Variants in TNXB observed in about 807,000 individuals in gnomAD.
The protein encoded by TNXB is tenascin XB, also known as tenascin-X.
A neutral mutation model predicts 340.5 loss-of-function variants in TNXB; 183 were observed. The ratio of observed to expected loss-of-function variants is 0.54; its 90% CI spans 0.48 to 0.61. TNXB has a LOEUF of 0.61. TNXB is among the 20% of genes least tolerant of loss of function. TNXB has a pLI of 0.00. For synonymous variants in TNXB, 2,121 were observed against 2,314.5 expected, an observed-to-expected ratio of 0.92 and a Z score of 2.40; for missense variants, 4,613 against 5,446.4, an observed-to-expected ratio of 0.85 and a Z score of 4.82.
In TNXB at chr6:32,096,040, A is replaced by C; in HGVS notation, c.1813T>G (p.Cys605Gly). Residue 605 changes from cysteine to glycine, a missense_variant, in exon 3 of 44, where the codon TGC becomes GGC. By Grantham distance (159) the Cys-to-Gly change is radical. Around this residue, in one of 7 missense-constraint regions of TNXB, gnomAD observed 4,327 missense variants for 4,859.4 expected, o/e 0.89. Coordinates refer to ENST00000644971, the MANE Select transcript of TNXB (RefSeq NM_001365276.2). ...CTCACGTAGCCTTCCCAACAGATGC[A>C]CACACCGTCCTGGCACACGCCGTGC... is the stretch of plus-strand genomic sequence containing the variant. ...SQHGVCQDGVCICWEGYVSED... is the reference protein window; with the variant it reads ...SQHGVCQDGVGICWEGYVSED... The C allele has an allele frequency of 6.2e-7, 1 of 1,613,148 alleles. No homozygotes were observed. Among genetic ancestry groups the C allele is most frequent in the Non-Finnish European group, 8.5e-7 (1 of 1,179,768 alleles).
Position 32,097,335 on chromosome 6 carries a change from G to T in TNXB, c.518C>A (p.Ala173Asp). 2 of 1,613,486 alleles carry T rather than the reference G, an allele frequency of 1.2e-6. No homozygotes were observed. Among genetic ancestry groups the T allele is most frequent in the Non-Finnish European group, 1.7e-6 (2 of 1,179,882 alleles). Residue 173 changes from alanine (A) to aspartate (D), a missense_variant, in exon 3 of 44, where the codon GCT becomes GAT. Physicochemically the swap from Ala to Asp is moderately radical, Grantham distance 126. Coordinates refer to ENST00000644971, the MANE Select transcript of TNXB (RefSeq NM_001365276.2). The surrounding 1 kb of genome is among the most constrained non-coding windows in gnomAD (Gnocchi z 5.9). ...GGPTCSDPTD[A>D]EIPPSSPPSA... ...GGGTGGGGAAGAGGGAGGGATCTCA[G>T]CATCTGTGGGGTCTGAGCAGGTGGG...
chr6:32,061,457 G>C lies in TNXB; in HGVS notation c.7432C>G (p.His2478Asp), dbSNP rs1404935942. 6.8e-6 allele frequency: 11 copies of C among 1,613,320 alleles called. No individual in the cohort carries two copies. The highest frequency in any genetic ancestry group is 1.1e-5 in the South Asian group (1 of 91,078). The part of the protein sequence containing the change: ...GLEPGRKYKM[H>D]LYGLHEGRRV... ...CGCCCCTCGTGGAGGCCATACAGGT[G>C]CATCTTGTATTTGCGCCCAGGCTCC... The change falls in exon 21 of 44, where the codon CAC becomes GAC. Residue 2478 changes from histidine (H) to aspartate (D), a missense_variant. This residue lies in a region of TNXB where 4,327 missense variants were observed against 4,859.4 expected (regional missense o/e 0.89). Coordinates refer to ENST00000644971, the MANE Select transcript of TNXB (RefSeq NM_001365276.2). The surrounding 1 kb of genome is among the most constrained non-coding windows in gnomAD (Gnocchi z 4.4).
chr6:32,059,864 A>G (rs1238853969), intron 21 of TNXB, among the ~76,000 whole-genome samples: 1 of 151,946 alleles, frequency 6.6e-6, no homozygotes, highest in African/African-American at 2.4e-5. Context: ...AGCAGGGCTG[A>G]TTCTTCCCCA....
In TNXB at chr6:32,085,798, G is replaced by T; in HGVS notation, c.3100C>A (p.Pro1034Thr). 1.3e-6 allele frequency: 2 copies of T among 1,587,582 alleles called. No homozygotes were observed. Among genetic ancestry groups the T allele is most frequent in the Non-Finnish European group, 8.6e-7 (1 of 1,166,416 alleles). The change falls in exon 7 of 44, where the codon CCT becomes ACT. Residue 1034 changes from proline to threonine, a missense_variant. Pro to Thr is a conservative substitution (Grantham distance 38). Around this residue, in one of 7 missense-constraint regions of TNXB, gnomAD observed 4,327 missense variants for 4,859.4 expected, o/e 0.89. Transcript: ENST00000644971. This position sits in a 1 kb window ranked among gnomAD's most constrained non-coding sequence, Gnocchi z 6.4. ...GGGTCAGAGGGCTTGCCCCCAGGAG[G>T]GACCCCATGAAGTGACAGCTCATAC... ...TPYELSLHGV[P>T]PGGKPSDPII...
rs755622026 is a variant in TNXB, at chr6:32,056,611, G to A, written c.8118C>T (p.Gly2706=). Residue 2706 remains glycine, a synonymous_variant, in exon 23 of 44, where the codon GGC becomes GGT. Coordinates refer to ENST00000644971, the MANE Select transcript of TNXB (RefSeq NM_001365276.2). ...LYGFHGGQRV[G]PISVIGVTAA... ...CCGTCACCCCAATGACAGAGATGGG[G>A]CCCACGCGCTGGCCACCGTGGAAGC... is the stretch of plus-strand genomic sequence containing the variant. The A allele has an allele frequency of 1.5e-5, 25 of 1,613,068 alleles. No individual in the cohort carries two copies. In the South Asian group the frequency reaches 2.1e-4, roughly 13 times the overall value.
Position 32,042,846 on chromosome 6 carries a change from AG to A in TNXB, c.11926-16del, listed in dbSNP as rs1315376953. 2.1e-5 allele frequency: 10 copies of A among 484,332 alleles called. No individual in the cohort carries two copies. The highest frequency in any genetic ancestry group is 1.0e-5 in the Non-Finnish European group (3 of 286,024). 30.0% of individuals were successfully genotyped at this position (484,332 alleles called of 1,614,324 possible). ...AGCAGGATCTCCTGTGGGACAGACA[AG>A]GGGGGGTCAGGGGAGAGGGAGGTGG... is the stretch of plus-strand genomic sequence containing the variant. On this transcript the variant is annotated splice_polypyrimidine_tract_variant and intron_variant, in intron 38 of 43. Transcript: ENST00000644971.
Position 32,082,119 on chromosome 6 carries a change from T to C in TNXB, c.3653A>G (p.Asp1218Gly). 1 of 1,611,344 alleles carries C rather than the reference T, an allele frequency of 6.2e-7. No homozygotes were observed. The highest frequency in any genetic ancestry group is 1.3e-5 in the African/African-American group (1 of 74,930). The stretch of plus-strand genomic sequence containing the variant: ...AGTGAATCTGTACTTGTGGTCAGGG[T>C]CCAGTGAGGAGACAACAAATGAACG... The part of the protein sequence containing the change: ...PERSFVVSSL[D>G]PDHKYRFTLF... The change falls in exon 9 of 44, where the codon GAC becomes GGC. Residue 1218 changes from aspartate to glycine, a missense_variant. Around this residue, in one of 7 missense-constraint regions of TNXB, gnomAD observed 4,327 missense variants for 4,859.4 expected, o/e 0.89. Transcript: ENST00000644971. The surrounding 1 kb of genome is among the most constrained non-coding windows in gnomAD (Gnocchi z 5.0).
At position 32,061,775 on chromosome 6, in the gene TNXB, T is replaced by A; in HGVS notation, c.7169-55A>T. The A allele has an allele frequency of 6.3e-7, 1 of 1,581,760 alleles. No homozygotes were observed. The stretch of plus-strand genomic sequence containing the variant: ...AGGGTCCCTGGGGGATGTGCTTACG[T>A]CGTGGGGAAAAGGAGGGAGAAGGCT... On this transcript the variant is annotated intron_variant, in intron 20 of 43. Coordinates refer to ENST00000644971, the MANE Select transcript of TNXB (RefSeq NM_001365276.2). This position sits in a 1 kb window ranked among gnomAD's most constrained non-coding sequence, Gnocchi z 4.4.
In TNXB at chr6:32,081,919, G is replaced by C; in HGVS notation, c.3736+117C>G. ...TGGCTGCCCCTCAGCCCTGGAGTGG[G>C]GCCGGGAAGCTGGAGTCAGCTGTCT... On this transcript the variant is annotated intron_variant, in intron 9 of 43. Coordinates refer to ENST00000644971, the MANE Select transcript of TNXB (RefSeq NM_001365276.2). The surrounding 1 kb of genome is among the most constrained non-coding windows in gnomAD (Gnocchi z 5.1). The C allele has an allele frequency of 9.4e-7, 1 of 1,061,776 alleles. No individual in the cohort carries two copies. The highest frequency in any genetic ancestry group is 1.4e-6 in the Non-Finnish European group (1 of 736,724). 65.8% of individuals were successfully genotyped at this position (1,061,776 alleles called of 1,614,324 possible).
rs1279857689 is a variant in TNXB, at chr6:32,095,974, C to T, written c.1879G>A (p.Gly627Arg). 1.9e-6 allele frequency: 3 copies of T among 1,613,018 alleles called. No homozygotes were observed. ...SIRTCPSNCH[G>R]RGRCEEGRCL... ...CGCCCTTCCTCACAGCGGCCCCTCC[C>T]GTGGCAGTTGGAGGGGCAGGTGCGG... is the stretch of plus-strand genomic sequence containing the variant. Residue 627 changes from glycine (G) to arginine (R), a missense_variant, in exon 3 of 44, where the codon GGG becomes AGG. Physicochemically the swap from Gly to Arg is moderately radical, Grantham distance 125 (BLOSUM62 -2). Transcript: ENST00000644971.
rs9368704 is a variant in TNXB at position 32,073,596 on chromosome 6, G to A, written c.4681+51C>T. 14,459 of 1,524,506 alleles carry A rather than the reference G, an allele frequency of 9.5e-3. 923 individuals are homozygous for A. The East Asian group carries it at 0.18, about 19-fold the overall frequency. The allele number at this position is 1,524,506 out of a possible 1,614,324, so 94.4% of individuals were successfully genotyped here. ...AGGGCTGGAAGAAGGGCCATGGGGTGGGGGAGCTCTGGGTAACCAGAGATG... is the reference window on the plus strand; with the variant it reads ...AGGGCTGGAAGAAGGGCCATGGGGTAGGGGAGCTCTGGGTAACCAGAGATG... On this transcript the variant is annotated intron_variant, in intron 12 of 43. Coordinates refer to ENST00000644971, the MANE Select transcript of TNXB (RefSeq NM_001365276.2). This position sits in a 1 kb window ranked among gnomAD's most constrained non-coding sequence, Gnocchi z 4.6.
chr6:32,042,199 C>A (rs766802373), intron 41 of TNXB, 26 bp from the exon 42 acceptor site: 50 of 768,914 alleles, frequency 6.5e-5, no homozygotes, highest in East Asian at 3.6e-4. Flanking sequence ...GTGCCCTCAT[C>A]AGGGTCCTGG....
rs1777794464 is a variant in TNXB, at chr6:32,058,233, G to C, written c.7650C>G (p.Asp2550Glu). ...TGTCCTTGTACTGCACGGTGAAGGA[G>C]TCAAAGCGGCCCTGGGGGACGGTCC... is the stretch of plus-strand genomic sequence containing the variant. Reference protein sequence around the residue: ...LSWTVPQGRFDSFTVQYKDRD... With the variant: ...LSWTVPQGRFESFTVQYKDRD... Residue 2550 changes from aspartate to glutamate, a missense_variant, in exon 22 of 44, where the codon GAC (aspartate) becomes GAG (glutamate). Asp to Glu is a conservative substitution (Grantham distance 45). Transcript: ENST00000644971. The surrounding 1 kb of genome is among the most constrained non-coding windows in gnomAD (Gnocchi z 5.1). 19 of 1,612,524 alleles carry C rather than the reference G, an allele frequency of 1.2e-5. No homozygotes were observed. The highest frequency in any genetic ancestry group is 1.4e-5 in the Non-Finnish European group (17 of 1,179,868).
In TNXB at chr6:32,055,909, G is replaced by T; in HGVS notation, c.8409C>A (p.His2803Gln). 5.0e-6 allele frequency: 8 copies of T among 1,613,536 alleles called. No homozygotes were observed. Among genetic ancestry groups the T allele is most frequent in the African/African-American group, 1.3e-5 (1 of 75,066 alleles). ...GLEPGRKYKM[H>Q]LYGLHEGRRV... Reference sequence around the variant, plus strand: ...GCCGCCCCTCGTGGAGGCCGTACAGGTGCATCTTGTATTTGCGCCCGGGCT... The same window carrying T: ...GCCGCCCCTCGTGGAGGCCGTACAGTTGCATCTTGTATTTGCGCCCGGGCT... Residue 2803 changes from histidine to glutamine, a missense_variant, in exon 24 of 44, where the codon CAC becomes CAA. Coordinates refer to ENST00000644971, the MANE Select transcript of TNXB (RefSeq NM_001365276.2).
At position 32,096,034 on chromosome 6, in the gene TNXB, A is replaced by G. The variant is rs1390372607; in HGVS notation, c.1819T>C (p.Cys607Arg). The change falls in exon 3 of 44, where the codon TGT (cysteine) becomes CGT (arginine). Residue 607 changes from cysteine to arginine, a missense_variant. Transcript: ENST00000644971. ...HGVCQDGVCI[C>R]WEGYVSEDCS... is the part of the protein sequence containing the mutation. Reference sequence around the variant, plus strand: ...TCCTCACTCACGTAGCCTTCCCAACAGATGCACACACCGTCCTGGCACACG... The same window carrying G: ...TCCTCACTCACGTAGCCTTCCCAACGGATGCACACACCGTCCTGGCACACG... 6.2e-7 allele frequency: 1 copy of G among 1,613,178 alleles called. No homozygotes were observed. Among genetic ancestry groups the G allele is most frequent in the South Asian group, 1.1e-5 (1 of 91,078 alleles).
At position 32,067,103 on chromosome 6, in the gene TNXB, AAGAAAGAAAG is replaced by A; in HGVS notation, c.6544+548_6544+557del. On this transcript the variant is annotated intron_variant, in intron 18 of 43. Transcript: ENST00000644971. The surrounding 1 kb of genome is among the most constrained non-coding windows in gnomAD (Gnocchi z 4.2). ...AAGAAAGAAAGAAAAGAATGAAAGA[AAGAAAGAAAG>A]AGAAAGAAAGAAAGGAAGGAAGAAA... Among the ~76,000 whole-genome samples the A allele has an allele frequency of 6.8e-6, 1 of 147,426 alleles. No homozygotes were observed. The highest frequency in any genetic ancestry group is 2.2e-4 in the South Asian group (1 of 4,630).
chr6:32,106,159 G>T (rs1780969482), intron 1 of TNXB, among the ~76,000 whole-genome samples: 1 of 151,508 alleles, frequency 6.6e-6, no homozygotes, highest in African/African-American at 2.4e-5. Context: ...GGGTGCTAAA[G>T]GTGTCTTGTT....
Position 32,048,546 on chromosome 6 carries a change from G to C in TNXB, c.9862C>G (p.Pro3288Ala). Residue 3288 changes from proline to alanine, a missense_variant, in exon 29 of 44, where the codon CCC becomes GCC. Around this residue, in one of 7 missense-constraint regions of TNXB, gnomAD observed 4,327 missense variants for 4,859.4 expected, o/e 0.89. Transcript: ENST00000644971. ...VGLSWTVAQGPFDSFLVQYRD... is the reference protein window; with the variant it reads ...VGLSWTVAQGAFDSFLVQYRD... ...TACTGTACCAGGAAGGAGTCAAAGG[G>C]GCCCTGGGCCACCGTCCATGAGAGG... 4 of 1,568,672 alleles carry C rather than the reference G, an allele frequency of 2.5e-6. No individual in the cohort carries two copies. The Admixed American group carries it at 5.2e-5, about 21-fold the overall frequency.
In TNXB at chr6:32,067,688, C is replaced by T. The variant is rs1212146133; in HGVS notation, c.6517G>A (p.Gly2173Ser). ...LYGLHEGRRV[G>S]PVSAVGVTAP... Reference sequence around the variant, plus strand: ...GTGACGCCCACAGCAGACACTGGGCCCACGCGCCGCCCCTCGTGGAGGCCG... The same window carrying T: ...GTGACGCCCACAGCAGACACTGGGCTCACGCGCCGCCCCTCGTGGAGGCCG... The change falls in exon 18 of 44, where the codon GGC becomes AGC. Residue 2173 changes from glycine to serine, a missense_variant. Coordinates refer to ENST00000644971, the MANE Select transcript of TNXB (RefSeq NM_001365276.2). This position sits in a 1 kb window ranked among gnomAD's most constrained non-coding sequence, Gnocchi z 4.2. 6.2e-7 allele frequency: 1 copy of T among 1,613,732 alleles called. No homozygotes were observed. The highest frequency in any genetic ancestry group is 8.5e-7 in the Non-Finnish European group (1 of 1,179,776).
Sources: gnomAD v4.1 joint callset for allele counts (sites outside exome capture counted in the v4.1 genomes callset) on GRCh38, gnomAD v4.1.1 for gene constraint, gnomAD v4.1.1 regional missense constraint, Gnocchi (gnomAD v3.1) non-coding constraint, MANE v1.5 for transcripts, NCBI Gene and HGNC (gene_info 2026-07-23, HGNC 2026-07-21) for gene names.